The following CNTNAP3 variants were observed in gnomAD, a reference collection of about 807,000 sequenced individuals.
The protein encoded by CNTNAP3 is contactin associated protein family member 3.
A neutral mutation model predicts 92.1 loss-of-function variants in CNTNAP3; 36 were observed. That is an observed-to-expected ratio of 0.39 (90% confidence interval 0.30 to 0.52). CNTNAP3 has a LOEUF of 0.52. CNTNAP3 is among the 20% of genes least tolerant of loss of function. The pLI is 0.76. For missense variants in CNTNAP3, 534 were observed against 1,069.6 expected (o/e 0.50, Z 6.98); for synonymous variants, 232 against 422.3 (o/e 0.55, Z 5.53).
chr9:39,146,587 G>A (rs1238800451), intron 10 of CNTNAP3, among the ~76,000 whole-genome samples: 1 of 152,170 alleles, frequency 6.6e-6, no homozygotes, highest in East Asian at 1.9e-4. Context: ...TACTCGGGAG[G>A]CTGAGGCACG....
chr9:39,089,491 T>C (rs1826142041), intron 18 of CNTNAP3, among the ~76,000 whole-genome samples: 1 of 152,196 alleles, frequency 6.6e-6, no homozygotes, highest in Non-Finnish European at 1.5e-5. Flanking sequence ...TTGTTTCTAC[T>C]TTTTGACTAT....
rs1587694809 is a variant in CNTNAP3 at position 39,079,201 on chromosome 9, T to C, written c.3443-281A>G. 2.6e-5 allele frequency among the ~76,000 whole-genome samples: 4 copies of C among 152,280 alleles called. No individual in the cohort carries two copies. The South Asian group carries it at 8.3e-4, about 32-fold the overall frequency. On this transcript the variant is annotated intron_variant, in intron 21 of 23. Coordinates refer to ENST00000297668, the MANE Select transcript of CNTNAP3 (RefSeq NM_033655.5). Reference sequence around the variant, plus strand: ...AGAGCTTCATAGGAAAGCGGTTACATGGCATAAATTTAAGAAATCCTCTGC... The same window carrying C: ...AGAGCTTCATAGGAAAGCGGTTACACGGCATAAATTTAAGAAATCCTCTGC...
chr9:39,083,345 T>G (rs548807365), intron 21 of CNTNAP3, among the ~76,000 whole-genome samples: 3 of 152,104 alleles, frequency 2.0e-5, no homozygotes, highest in Non-Finnish European at 4.4e-5. Flanking sequence ...GTTTTTTTGA[T>G]ATATATATGT....
chr9:39,100,831 A>G (rs1327322637), intron 17 of CNTNAP3, among the ~76,000 whole-genome samples: 2 of 148,702 alleles, frequency 1.3e-5, no homozygotes, highest in Non-Finnish European at 3.0e-5. Context: ...TGTAGTGACA[A>G]ACACCATTAT....
intron 19 of CNTNAP3, among the ~76,000 whole-genome samples, chr9:39,088,171 A>G (rs1372368196): frequency 6.6e-6 from 1 of 152,026 alleles, no homozygotes; most frequent in Non-Finnish European, 1.5e-5. Flanking sequence ...TCCTATCAAT[A>G]ATAAGAAATA....
intron 21 of CNTNAP3, chr9:39,084,840 A>G (rs1212133373): frequency 6.6e-6 from 1 of 151,808 alleles, no homozygotes; most frequent in Non-Finnish European, 1.5e-5. Flanking sequence ...CAAAATGAAT[A>G]TTTATAATTT....
rs1173015213 is a variant in CNTNAP3, at chr9:39,065,340, A to G, written c.*8550T>C. On this transcript the variant is annotated 3_prime_UTR_variant, in exon 24 of 24. Coordinates refer to ENST00000297668, the MANE Select transcript of CNTNAP3 (RefSeq NM_033655.5). The stretch of plus-strand genomic sequence containing the variant: ...CCATTTTATAGCTGAAGAGTATTTC[A>G]TTATTAATACAACACAAATTGTTTG... Among the ~76,000 whole-genome samples, 1 of 152,302 alleles carries G rather than the reference A, an allele frequency of 6.6e-6. No individual in the cohort carries two copies. The highest frequency in any genetic ancestry group is 1.5e-5 in the Non-Finnish European group (1 of 68,054).
At position 39,069,701 on chromosome 9, in the gene CNTNAP3, T is replaced by C. The variant is rs1189415182; in HGVS notation, c.*4189A>G. Among the ~76,000 whole-genome samples the C allele has an allele frequency of 6.6e-6, 1 of 152,306 alleles. No individual in the cohort carries two copies. The highest frequency in any genetic ancestry group is 2.4e-5 in the African/African-American group (1 of 41,482). ...CTACTACTCCTAGTAATGGCAACTT[T>C]ATGTAACCTTCTTAAGGTTACATTT... is the stretch of plus-strand genomic sequence containing the variant. On this transcript the variant is annotated 3_prime_UTR_variant, in exon 24 of 24. Transcript: ENST00000297668.
intron 21 of CNTNAP3, among the ~76,000 whole-genome samples, chr9:39,082,033 G>A (rs868705297): frequency 4.9e-4 from 73 of 150,254 alleles, no homozygotes; most frequent in African/African-American, 1.6e-3. Flanking sequence ...CTTGCAGTGA[G>A]CCGAGTTCAC....
At chr9:39,130,176 C>T (rs940458297) in intron 13 of CNTNAP3, among the ~76,000 whole-genome samples, 1 of 152,164 alleles carries the variant, frequency 6.6e-6, no homozygotes, top group African/African-American at 2.4e-5. Context: ...GATGTTCACA[C>T]AAAACCTGTA....
intron 23 of CNTNAP3, among the ~76,000 whole-genome samples, chr9:39,076,272 T>A (rs1199251092): frequency 1.3e-5 from 2 of 152,222 alleles, no homozygotes; most frequent in Non-Finnish European, 2.9e-5. Flanking sequence ...TAAACGTCTG[T>A]AGGACTTGGA....
At chr9:39,075,602 C>T (rs1186846275) in intron 23 of CNTNAP3, among the ~76,000 whole-genome samples, 7 of 152,298 alleles carry the variant, frequency 4.6e-5, no homozygotes, top group Non-Finnish European at 7.3e-5. Flanking sequence ...TCTCTTTTAC[C>T]GGAGACCATT....
At chr9:39,132,374 A>C (rs1421245573) in intron 13 of CNTNAP3, among the ~76,000 whole-genome samples, 2 of 152,114 alleles carry the variant, frequency 1.3e-5, no homozygotes, top group East Asian at 3.9e-4. Flanking sequence ...ATGAAGATTA[A>C]GGTATACATT....
intron 12 of CNTNAP3, among the ~76,000 whole-genome samples, chr9:39,136,519 G>C (rs1353945339): frequency 1.3e-5 from 2 of 152,000 alleles, no homozygotes; most frequent in Non-Finnish European, 2.9e-5. Context: ...CTCCATTCTT[G>C]CTGGCATGAT....
chr9:39,118,916 A>C (rs1278346369), intron 13 of CNTNAP3, among the ~76,000 whole-genome samples: 1 of 152,176 alleles, frequency 6.6e-6, no homozygotes, highest in Non-Finnish European at 1.5e-5. Context: ...CTCAGCACTG[A>C]CAATGATTAA....
At chr9:39,123,398 G>A (rs1174122510) in intron 13 of CNTNAP3, among the ~76,000 whole-genome samples, 1 of 151,962 alleles carries the variant, frequency 6.6e-6, no homozygotes. Context: ...GCCCGACCCT[G>A]TTGGACAATT....
intron 14 of CNTNAP3, among the ~76,000 whole-genome samples, chr9:39,113,871 C>T (rs1221826794): frequency 1.3e-5 from 2 of 151,166 alleles, no homozygotes; most frequent in Non-Finnish European, 2.9e-5. Flanking sequence ...ATATTCTTAC[C>T]TGCTTCACTT....
At chr9:39,121,689 G>C (rs1280824027) in intron 13 of CNTNAP3, among the ~76,000 whole-genome samples, 3 of 152,064 alleles carry the variant, frequency 2.0e-5, no homozygotes, top group Admixed American at 6.5e-5. Flanking sequence ...GTGGGGGATA[G>C]GCCTTAGAGG....
intron 8 of CNTNAP3, among the ~76,000 whole-genome samples, chr9:39,170,389 C>T (rs181722875): frequency 7.3e-5 from 8 of 110,130 alleles, no homozygotes; most frequent in East Asian, 7.1e-4. Context: ...TCAGCCTCTT[C>T]GTCTGTGCCT....
Sources: gnomAD v4.1 joint callset for allele counts (sites outside exome capture counted in the v4.1 genomes callset) on GRCh38, gnomAD v4.1.1 for gene constraint, MANE v1.5 for transcripts, NCBI Gene and HGNC (gene_info 2026-07-23, HGNC 2026-07-21) for gene names.